The following DAB1 variants were observed in gnomAD, a reference collection of about 807,000 sequenced individuals.
The protein encoded by DAB1 is disabled homolog 1.
Under a neutral mutation model 64.6 loss-of-function variants are expected in DAB1, and 15 were observed. The ratio of observed to expected loss-of-function variants is 0.23; its 90% confidence interval spans 0.16 to 0.36. The LOEUF (loss-of-function observed/expected upper bound fraction) is 0.36. Ranked by LOEUF, DAB1 falls within the 10% of genes least tolerant of loss-of-function variation. The pLI is 1.00. For synonymous variants in DAB1, 235 were observed against 251.9 expected, an observed-to-expected ratio of 0.93 and a Z score of 0.64; for missense variants, 596 against 706.7, an observed-to-expected ratio of 0.84 and a Z score of 1.78.
intron 4 of DAB1, among the ~76,000 whole-genome samples, chr1:58,332,901 A>T (rs1663006752): frequency 7.2e-6 from 1 of 139,590 alleles, no homozygotes; most frequent in African/African-American, 2.6e-5. Flanking sequence ...CCCTTTTAAA[A>T]TTTTATTTAT....
intron 2 of DAB1, among the ~76,000 whole-genome samples, chr1:57,193,845 G>T (rs1557909510): frequency 6.6e-6 from 1 of 151,740 alleles, no homozygotes; most frequent in East Asian, 1.9e-4. Flanking sequence ...GCCAGACTCT[G>T]GTTCAAATCC....
chr1:57,068,703 G>A (rs911411005), intron 8 of DAB1, among the ~76,000 whole-genome samples: 5 of 152,284 alleles, frequency 3.3e-5, no homozygotes, highest in Middle Eastern at 6.8e-3. Flanking sequence ...ATGGCAGAAG[G>A]AGGCAGAGCT....
At chr1:57,969,864 G>A (rs1463686797) in intron 5 of DAB1, among the ~76,000 whole-genome samples, 1 of 152,088 alleles carries the variant, frequency 6.6e-6, no homozygotes, top group African/African-American at 2.4e-5. Context: ...TATTGCTACA[G>A]GCTGAATATT....
At chr1:57,802,569 C>A (rs1651179360) in intron 6 of DAB1, among the ~76,000 whole-genome samples, 1 of 152,096 alleles carries the variant, frequency 6.6e-6, no homozygotes, top group Non-Finnish European at 1.5e-5. Context: ...GAATCATAAC[C>A]CCCATTGTTG....
intron 8 of DAB1, among the ~76,000 whole-genome samples, chr1:57,068,083 C>A (rs1557662142): frequency 1.3e-5 from 2 of 151,198 alleles, no homozygotes; most frequent in African/African-American, 4.9e-5. Context: ...CTACAAGGCT[C>A]AATGGGAGCC....
At chr1:57,072,216 A>G (rs1285337450) in intron 5 of DAB1, 67 bp downstream of exon 5, 1 of 1,579,256 alleles carries the variant, frequency 6.3e-7, no homozygotes, top group African/African-American at 1.4e-5. Flanking sequence ...TCAAAGACCA[A>G]CGGAGTCACT....
chr1:58,034,110 TGTTA>T (rs1443591780), intron 5 of DAB1, among the ~76,000 whole-genome samples: 17 of 152,232 alleles, frequency 1.1e-4, no homozygotes, highest in Admixed American at 2.0e-4. Flanking sequence ...ATTATTATCT[TGTTA>T]GTTAGAAAAG....
upstream of DAB1, among the ~76,000 whole-genome samples, chr1:57,425,040 T>C (rs552205510): frequency 5.5e-4 from 84 of 152,284 alleles, 3 homozygotes; most frequent in South Asian, 0.017. Context: ...GCAGAAAATA[T>C]TGGGTCATTC....
chr1:58,536,363 G>A (rs988499543), intron 1 of DAB1: 7 of 596,188 alleles, frequency 1.2e-5, no homozygotes, highest in African/African-American at 5.6e-5. Context: ...AATACTAAGT[G>A]TGAAAGGTCT....
At chr1:57,155,927 T>C (rs1660177277) in intron 2 of DAB1, among the ~76,000 whole-genome samples, 1 of 152,112 alleles carries the variant, frequency 6.6e-6, no homozygotes, top group South Asian at 2.1e-4. Context: ...GTGGAGTTGT[T>C]AGGTTTTTCC....
chr1:57,005,824 G>A (rs1461273892), intron 14 of DAB1, among the ~76,000 whole-genome samples: 1 of 152,152 alleles, frequency 6.6e-6, no homozygotes, highest in Non-Finnish European at 1.5e-5. Flanking sequence ...TGCAATATTT[G>A]TGAAATGGGA....
intron 1 of DAB1, among the ~76,000 whole-genome samples, chr1:57,314,217 A>G (rs1431822324): frequency 1.3e-5 from 2 of 152,196 alleles, no homozygotes; most frequent in South Asian, 2.1e-4. Context: ...AGATACACAT[A>G]CTTAATACTG....
At chr1:58,056,588 T>C (rs1041354237) in intron 5 of DAB1, 9 of 700,198 alleles carry the variant, frequency 1.3e-5, no homozygotes, top group South Asian at 1.1e-4. Flanking sequence ...AGGCTCTGCC[T>C]TCTCATCAAT....
chr1:58,382,751 G>C (rs1448502366), intron 3 of DAB1, among the ~76,000 whole-genome samples: 1 of 152,188 alleles, frequency 6.6e-6, no homozygotes, highest in Non-Finnish European at 1.5e-5. Flanking sequence ...TTGGCAAACT[G>C]TCTTCTGCAA....
At chr1:58,452,151 C>G (rs1258161859) in intron 3 of DAB1, among the ~76,000 whole-genome samples, 1 of 151,812 alleles carries the variant, frequency 6.6e-6, no homozygotes, top group Non-Finnish European at 1.5e-5. Flanking sequence ...TCAGGCTGGT[C>G]TCGAACTCCT....
At chr1:57,590,418 C>T (rs768980245) in intron 7 of DAB1, among the ~76,000 whole-genome samples, 2 of 152,006 alleles carry the variant, frequency 1.3e-5, no homozygotes, top group Non-Finnish European at 2.9e-5. Flanking sequence ...CTCCCGGTTT[C>T]AAGCGATTCT....
intron 7 of DAB1, among the ~76,000 whole-genome samples, chr1:57,480,278 G>T (rs111836809): frequency 2.6e-5 from 4 of 152,246 alleles, no homozygotes; most frequent in African/African-American, 9.6e-5. Flanking sequence ...GGGTACCCAG[G>T]TTCAAGAGGA....
chr1:58,039,161 ACTCT>A (rs1223699178), intron 5 of DAB1, among the ~76,000 whole-genome samples: 1 of 152,104 alleles, frequency 6.6e-6, no homozygotes, highest in African/African-American at 2.4e-5. Context: ...ATAGTAACAA[ACTCT>A]CTCAGGAGCT....
intron 5 of DAB1, among the ~76,000 whole-genome samples, chr1:57,946,310 C>T (rs1194941128): frequency 6.6e-6 from 1 of 152,208 alleles, no homozygotes; most frequent in African/African-American, 2.4e-5. Flanking sequence ...CCCTCTCTCT[C>T]CTTAGCAAAG....
Sources: allele counts gnomAD v4.1 joint callset (sites outside exome capture counted in the v4.1 genomes callset), GRCh38; gene constraint gnomAD v4.1.1; transcripts MANE v1.5; gene names NCBI Gene and HGNC (gene_info 2026-07-23, HGNC 2026-07-21).